BICC1: variants seen among roughly 807,000 people sequenced by gnomAD.
BICC1 encodes the protein BicC family RNA binding protein 1.
In BICC1, 43 loss-of-function variants were observed where a neutral mutation model predicts 111.0. That is an observed-to-expected ratio of 0.39 (90% CI 0.30 to 0.50). BICC1 has a LOEUF of 0.50. Ranked by LOEUF, BICC1 falls within the 20% of genes least tolerant of loss-of-function variation. The pLI is 0.88. For synonymous variants in BICC1, 467 were observed against 434.4 expected (o/e 1.07, Z -0.93); for missense variants, 1,091 against 1,203.2 (o/e 0.91, Z 1.38).
At chr10:58,683,464 T>C (rs61874076) in intron 2 of BICC1, among the ~76,000 whole-genome samples, 15 of 152,084 alleles carry the variant, frequency 9.9e-5, no homozygotes, top group Admixed American at 7.9e-4. Context: ...CTATAAATTA[T>C]CTTGGGCAGT....
At chr10:58,740,938 G>T (rs766646479) in intron 3 of BICC1, among the ~76,000 whole-genome samples, 2 of 152,178 alleles carry the variant, frequency 1.3e-5, no homozygotes, top group East Asian at 1.9e-4. Flanking sequence ...TTCATTAACC[G>T]TGGGAAATTA....
chr10:58,660,168 G>A (rs1485454555), intron 2 of BICC1, among the ~76,000 whole-genome samples: 1 of 152,108 alleles, frequency 6.6e-6, no homozygotes, highest in Non-Finnish European at 1.5e-5. Context: ...ACCAGGTGCT[G>A]AGCAGCTAAT....
chr10:58,771,130 A>G (rs892997832), intron 3 of BICC1, among the ~76,000 whole-genome samples: 5 of 152,184 alleles, frequency 3.3e-5, no homozygotes, highest in African/African-American at 1.2e-4. Context: ...ACTTAGAGTG[A>G]GTTCACAGAA....
chr10:58,758,510 A>G (rs1015330613), intron 3 of BICC1, among the ~76,000 whole-genome samples: 5 of 152,200 alleles, frequency 3.3e-5, no homozygotes, highest in Non-Finnish European at 7.3e-5. Flanking sequence ...CCTCTTCCCT[A>G]TAAGGTCTGT....
In BICC1 at chr10:58,803,239, G is replaced by T; in HGVS notation, c.2178G>T (p.Met726Ile). ...CTCCACGGTCATCATATGTCAACAT[G>T]CAGGTAATGGTAATAAAATAGGAAA... is the stretch of plus-strand genomic sequence containing the variant. The part of the protein sequence containing the change: ...HLAPRSSYVN[M>I]QAFDYEQKKL... The change falls in exon 15 of 21, where the codon ATG becomes ATT. Residue 726 changes from methionine to isoleucine, a missense_variant. Met to Ile is a conservative substitution (Grantham distance 10). Coordinates refer to ENST00000373886, the MANE Select transcript of BICC1 (RefSeq NM_001080512.3). 2 of 1,591,984 alleles carry T rather than the reference G, an allele frequency of 1.3e-6. No homozygotes were observed. Among genetic ancestry groups the T allele is most frequent in the Non-Finnish European group, 1.7e-6 (2 of 1,168,696 alleles).
chr10:58,671,139 A>G (rs945645583), intron 2 of BICC1, among the ~76,000 whole-genome samples: 1 of 152,166 alleles, frequency 6.6e-6, no homozygotes, highest in Non-Finnish European at 1.5e-5. Flanking sequence ...CCATTTCTAC[A>G]GAGTCATATT....
chr10:58,528,154 T>C (rs1368426735), intron 1 of BICC1, among the ~76,000 whole-genome samples: 2 of 151,894 alleles, frequency 1.3e-5, no homozygotes, highest in African/African-American at 2.4e-5. Flanking sequence ...GGACCTGGCA[T>C]TGACCTCATG....
At chr10:58,548,947 C>T (rs1198498961) in intron 1 of BICC1, among the ~76,000 whole-genome samples, 2 of 152,080 alleles carry the variant, frequency 1.3e-5, no homozygotes, top group Non-Finnish European at 2.9e-5. Context: ...GCAGCCTCAA[C>T]TTCCTGGGCT....
At chr10:58,714,026 A>G (rs1032779305) in intron 3 of BICC1, among the ~76,000 whole-genome samples, 3 of 152,198 alleles carry the variant, frequency 2.0e-5, no homozygotes, top group African/African-American at 7.2e-5. Context: ...TGCTACTGGC[A>G]TCTAGAGGGT....
chr10:58,537,491 A>G (rs571569296), intron 1 of BICC1, among the ~76,000 whole-genome samples: 1 of 151,956 alleles, frequency 6.6e-6, no homozygotes, highest in Non-Finnish European at 1.5e-5. Flanking sequence ...ACCTCAAAAT[A>G]ATAAAAGCCA....
intron 1 of BICC1, among the ~76,000 whole-genome samples, chr10:58,557,527 A>G (rs1048652239): frequency 2.6e-5 from 4 of 151,822 alleles, no homozygotes; most frequent in African/African-American, 7.3e-5. Context: ...CAGCTTATTG[A>G]TGTTCTATTC....
intron 1 of BICC1, among the ~76,000 whole-genome samples, chr10:58,515,518 A>G (rs1374085585): frequency 1.3e-5 from 2 of 152,232 alleles, no homozygotes; most frequent in African/African-American, 2.4e-5. Flanking sequence ...ATATCTAAAC[A>G]TTGGAAAGGT....
chr10:58,673,270 A>G (rs995037834), intron 2 of BICC1, among the ~76,000 whole-genome samples: 2 of 152,334 alleles, frequency 1.3e-5, no homozygotes, highest in East Asian at 1.9e-4. Context: ...GGTATTTTCT[A>G]CCATGCTGTA....
At chr10:58,680,452 G>T (rs1048217388) in intron 2 of BICC1, among the ~76,000 whole-genome samples, 3 of 151,980 alleles carry the variant, frequency 2.0e-5, no homozygotes, top group Non-Finnish European at 4.4e-5. Context: ...AAATACCTAG[G>T]AATACAACTT....
intron 3 of BICC1, among the ~76,000 whole-genome samples, chr10:58,742,668 C>T (rs929539525): frequency 3.9e-5 from 6 of 151,950 alleles, no homozygotes; most frequent in African/African-American, 1.4e-4. Context: ...GAACTCCTGA[C>T]CTCAAGTGAT....
chr10:58,767,479 A>G (rs1842489203), intron 3 of BICC1, among the ~76,000 whole-genome samples: 1 of 152,124 alleles, frequency 6.6e-6, no homozygotes, highest in Non-Finnish European at 1.5e-5. Context: ...GATGACTACT[A>G]CTTCAGATGT....
At chr10:58,630,144 A>G (rs1416690282) in intron 2 of BICC1, among the ~76,000 whole-genome samples, 2 of 152,036 alleles carry the variant, frequency 1.3e-5, no homozygotes, top group African/African-American at 4.8e-5. Flanking sequence ...GCTGAGCCAG[A>G]CTCATCTCTA....
At chr10:58,613,610 GTTC>G (rs1845506088) in intron 1 of BICC1, among the ~76,000 whole-genome samples, 1 of 152,002 alleles carries the variant, frequency 6.6e-6, no homozygotes, top group Non-Finnish European at 1.5e-5. Context: ...AGTGCCCTTT[GTTC>G]TTCAGATCTA....
chr10:58,820,336 A>G (rs1212738390), intron 19 of BICC1, 33 bp from the exon 20 acceptor site: 2 of 1,389,334 alleles, frequency 1.4e-6, no homozygotes, highest in Non-Finnish European at 2.0e-6. Flanking sequence ...AGTAATTAAT[A>G]CATTGGTTAT....
Sources: gnomAD v4.1 joint callset for allele counts (sites outside exome capture counted in the v4.1 genomes callset) on GRCh38, gnomAD v4.1.1 for gene constraint, MANE v1.5 for transcripts, NCBI Gene and HGNC (gene_info 2026-07-23, HGNC 2026-07-21) for gene names.